The following RGS5 variants were observed in gnomAD, a reference collection of about 807,000 sequenced individuals.
RGS5 encodes the protein regulator of G protein signaling 5.
RGS5 carries 20 observed loss-of-function variants against 18.9 expected under a neutral mutation model. The ratio of observed to expected loss-of-function variants is 1.06; its 90% CI spans 0.74 to 1.54. RGS5 has a LOEUF of 1.54. Among genes scored for constraint, RGS5 ranks in the 40% most tolerant of loss-of-function variants. RGS5 has a pLI of 0.00. For missense variants in RGS5, 201 were observed against 211.8 expected (o/e 0.95, Z 0.32); for synonymous variants, 57 against 76.2 (o/e 0.75, Z 1.31).
At chr1:163,203,103 T>C (rs376644905), upstream of RGS5, 13 of 404,198 alleles carry the variant, frequency 3.2e-5, no homozygotes, top group African/African-American at 2.6e-4. Context: ...TCTGCTCTTA[T>C]CACAACACTC....
At chr1:163,161,341 A>T (rs1657789751) in intron 3 of RGS5, among the ~76,000 whole-genome samples, 1 of 152,182 alleles carries the variant, frequency 6.6e-6, no homozygotes, top group Non-Finnish European at 1.5e-5. Context: ...TTATTGATGC[A>T]CTGGTATTAG....
upstream of RGS5, among the ~76,000 whole-genome samples, chr1:163,220,003 C>G (rs1483044769): frequency 1.3e-5 from 2 of 152,086 alleles, no homozygotes; most frequent in Admixed American, 6.6e-5. Context: ...TTTCAGAATG[C>G]CTGAACCAAT....
upstream of RGS5, among the ~76,000 whole-genome samples, chr1:163,204,309 C>CCACACACACACACACACA (rs10616125): frequency 6.9e-6 from 1 of 145,004 alleles, no homozygotes; most frequent in Non-Finnish European, 1.5e-5. Flanking sequence ...TGGCTCTAAA[C>CCACACACACACACACACA]CACACACACA....
intron 1 of RGS5, among the ~76,000 whole-genome samples, chr1:163,200,251 T>C (rs1397334628): frequency 6.6e-6 from 1 of 152,198 alleles, no homozygotes; most frequent in African/African-American, 2.4e-5. Context: ...TGATATGCTA[T>C]TCAGACTTTT....
At chr1:163,219,205 C>T (rs1178866333), upstream of RGS5, among the ~76,000 whole-genome samples, 2 of 152,094 alleles carry the variant, frequency 1.3e-5, no homozygotes, top group East Asian at 3.9e-4. Flanking sequence ...CAACCAGCAC[C>T]CAGATTAAGA....
At chr1:163,243,376 G>A (rs754144078) in intron 2 of RGS5, among the ~76,000 whole-genome samples, 1 of 151,994 alleles carries the variant, frequency 6.6e-6, no homozygotes, top group African/African-American at 2.4e-5. Flanking sequence ...GGCCGGGCGC[G>A]GTGGCTCACA....
intron 3 of RGS5, among the ~76,000 whole-genome samples, chr1:163,155,186 A>G (rs974924761): frequency 2.6e-5 from 4 of 152,054 alleles, no homozygotes; most frequent in African/African-American, 9.7e-5. Flanking sequence ...TATCCCCACA[A>G]CCTATCTCTG....
At chr1:163,152,853 T>C (rs902216966) in intron 3 of RGS5, 137 bp from the exon 4 acceptor site, 17 of 676,178 alleles carry the variant, frequency 2.5e-5, no homozygotes, top group Non-Finnish European at 3.9e-5. Context: ...TAGCTTCCTT[T>C]ACTCCTTCAT....
chr1:163,251,279 C>A (rs1233327311), intron 2 of RGS5, among the ~76,000 whole-genome samples: 2 of 151,846 alleles, frequency 1.3e-5, no homozygotes, highest in African/African-American at 4.8e-5. Context: ...ATAAACAATC[C>A]CAAATCAAGA....
In RGS5 at chr1:163,147,490, TG is replaced by T. The variant is rs1657186704; in HGVS notation, c.397del (p.His133ThrfsTer8). On this transcript the variant is annotated frameshift_variant, in exon 5 of 5. Coordinates refer to ENST00000313961, the MANE Select transcript of RGS5 (RefSeq NM_003617.4). LOFTEE classifies it low-confidence loss of function (END_TRUNC). ...CTTCATTGTGATGTCCTTAGTGAAG[TG>T]GTCAATATTCACCTGTGGGCCAGGA... ...TEAPKEVNID[H>X]FTKDITMKNL... 1 of 1,595,840 alleles carries T rather than the reference TG, an allele frequency of 6.3e-7. No individual in the cohort carries two copies. The highest frequency in any genetic ancestry group is 1.4e-5 in the African/African-American group (1 of 73,738).
intron 2 of RGS5, among the ~76,000 whole-genome samples, chr1:163,164,649 A>G (rs1657966584): frequency 6.6e-6 from 1 of 152,192 alleles, no homozygotes; most frequent in Admixed American, 6.5e-5. Context: ...CAGATTAATA[A>G]GTAAATGAAT....
chr1:163,196,489 A>G (rs1441144940), intron 1 of RGS5, among the ~76,000 whole-genome samples: 1 of 152,156 alleles, frequency 6.6e-6, no homozygotes, highest in Non-Finnish European at 1.5e-5. Flanking sequence ...TGGGATCTAA[A>G]AGTGTTATGA....
At chr1:163,286,390 A>T (rs1371293396) in intron 2 of RGS5, among the ~76,000 whole-genome samples, 3 of 152,246 alleles carry the variant, frequency 2.0e-5, no homozygotes, top group Admixed American at 6.5e-5. Context: ...GACCATACAC[A>T]TATATGAATA....
At chr1:163,184,219 A>C (rs1658973183) in intron 1 of RGS5, among the ~76,000 whole-genome samples, 1 of 152,190 alleles carries the variant, frequency 6.6e-6, no homozygotes, top group African/African-American at 2.4e-5. Flanking sequence ...ACACTTTTCT[A>C]GACTGTAGAC....
At chr1:163,284,817 C>A (rs1328171059) in intron 2 of RGS5, among the ~76,000 whole-genome samples, 1 of 150,566 alleles carries the variant, frequency 6.6e-6, no homozygotes, top group East Asian at 2.0e-4. Context: ...CTCTCTGTTT[C>A]ATTATTTCTT....
At chr1:163,253,021 G>A (rs184744077) in intron 2 of RGS5, among the ~76,000 whole-genome samples, 45 of 152,270 alleles carry the variant, frequency 3.0e-4, no homozygotes, top group African/African-American at 1.1e-3. Context: ...AGTGTTGCAG[G>A]ATACTGATTG....
chr1:163,273,884 C>G (rs918253427), intron 2 of RGS5, among the ~76,000 whole-genome samples: 3 of 152,042 alleles, frequency 2.0e-5, no homozygotes, highest in South Asian at 2.1e-4. Context: ...AAATCTGATT[C>G]TCTGGAATGT....
intron 2 of RGS5, among the ~76,000 whole-genome samples, chr1:163,250,931 T>C (rs572906340): frequency 1.3e-5 from 2 of 152,298 alleles, no homozygotes; most frequent in East Asian, 3.9e-4. Flanking sequence ...TTCCTAAATG[T>C]AGCATTTGGG....
chr1:163,250,122 G>T (rs1184237915), intron 2 of RGS5, among the ~76,000 whole-genome samples: 5 of 152,142 alleles, frequency 3.3e-5, no homozygotes, highest in African/African-American at 4.8e-5. Context: ...ATGACCATTG[G>T]GTTCTCCAGT....
Sources: gnomAD v4.1 joint callset for allele counts (sites outside exome capture counted in the v4.1 genomes callset) on GRCh38, gnomAD v4.1.1 for gene constraint, MANE v1.5 for transcripts, NCBI Gene and HGNC (gene_info 2026-07-23, HGNC 2026-07-21) for gene names.